Variants in UNC13B observed in about 807,000 individuals in gnomAD.
UNC13B encodes protein unc-13 homolog B.
A neutral mutation model predicts 211.0 loss-of-function variants in UNC13B; 144 were observed. The observed-to-expected ratio is 0.68, with a 90% CI of 0.60 to 0.78. The LOEUF (loss-of-function observed/expected upper bound fraction) is 0.78. Ranked by LOEUF, UNC13B falls within the 30% of genes least tolerant of loss-of-function variation. UNC13B has a pLI of 0.00. For synonymous variants in UNC13B, 709 were observed against 725.8 expected, an observed-to-expected ratio of 0.98 and a Z score of 0.37; for missense variants, 1,777 against 2,002.0, an observed-to-expected ratio of 0.89 and a Z score of 2.14.
chr9:35,242,509 G>A (rs563342694), intron 5 of UNC13B, among the ~76,000 whole-genome samples: 3 of 152,220 alleles, frequency 2.0e-5, no homozygotes, highest in Non-Finnish European at 4.4e-5. Context: ...GACTACTTTA[G>A]TTACCTTAGA....
At chr9:35,203,953 C>A (rs975896241) in intron 1 of UNC13B, among the ~76,000 whole-genome samples, 2 of 152,260 alleles carry the variant, frequency 1.3e-5, no homozygotes, top group African/African-American at 4.8e-5. Context: ...AACTTTGTGG[C>A]AGCCTCTCCC....
At position 35,382,380 on chromosome 9, in the gene UNC13B, A is replaced by C; in HGVS notation, c.10679A>C (p.Lys3560Thr). The change falls in exon 21 of 40, where the codon AAG becomes ACG. Residue 3560 changes from lysine to threonine, a missense_variant. Lys to Thr is a moderately conservative substitution (Grantham distance 78). Transcript: ENST00000635942. ...AGGCACTTTGCATGTTTATCATCCA[A>C]GTACATGTGTCCTGGTGTGCCAGCA... ...AMTHFACLSSKYMCPGVPAVM... is the reference protein window; with the variant it reads ...AMTHFACLSSTYMCPGVPAVM... The C allele has an allele frequency of 6.2e-7, 1 of 1,613,482 alleles. No homozygotes were observed. Among genetic ancestry groups the C allele is most frequent in the African/African-American group, 1.3e-5 (1 of 74,952 alleles).
At chr9:35,251,212 C>T (rs1398456877) in intron 6 of UNC13B, among the ~76,000 whole-genome samples, 1 of 152,050 alleles carries the variant, frequency 6.6e-6, no homozygotes, top group Non-Finnish European at 1.5e-5. Context: ...GATCCGCCCG[C>T]CTCGGCCTCC....
intron 5 of UNC13B, among the ~76,000 whole-genome samples, chr9:35,238,391 A>G (rs185413159): frequency 3.9e-4 from 59 of 152,296 alleles, no homozygotes; most frequent in Non-Finnish European, 7.5e-4. Context: ...TTTATTTTCC[A>G]AAAACTTATT....
At chr9:35,282,216 C>A (rs911643043) in intron 7 of UNC13B, among the ~76,000 whole-genome samples, 1 of 152,078 alleles carries the variant, frequency 6.6e-6, no homozygotes, top group Admixed American at 6.5e-5. Flanking sequence ...AAAAGATAGA[C>A]CTTTGCCAAC....
chr9:35,267,450 AATT>A (rs569738851), intron 7 of UNC13B, among the ~76,000 whole-genome samples: 157 of 152,290 alleles, frequency 1.0e-3, no homozygotes, highest in African/African-American at 2.9e-3. Flanking sequence ...TCTTTTTAAA[AATT>A]ATTATGCTTT....
At chr9:35,398,457 G>A in intron 31 of UNC13B, 97 bp from the exon 32 acceptor site, 1 of 1,393,088 alleles carries the variant, frequency 7.2e-7, no homozygotes, top group Non-Finnish European at 1.0e-6. Context: ...GGAGGAATAG[G>A]CACTGGGGTA....
At chr9:35,265,342 A>G (rs1292079986) in intron 7 of UNC13B, among the ~76,000 whole-genome samples, 1 of 152,242 alleles carries the variant, frequency 6.6e-6, no homozygotes, top group Non-Finnish European at 1.5e-5. Flanking sequence ...TCTCTCCACC[A>G]TGTGAGGACA....
intron 31 of UNC13B, 64 bp downstream of exon 31, chr9:35,398,352 A>G (rs1836027400): frequency 1.3e-6 from 2 of 1,546,768 alleles, no homozygotes; most frequent in East Asian, 2.3e-5. Flanking sequence ...TGGCCATAGA[A>G]CTCCACCCTC....
chr9:35,278,725 T>C (rs1383208832), intron 7 of UNC13B, among the ~76,000 whole-genome samples: 3 of 151,968 alleles, frequency 2.0e-5, no homozygotes, highest in Non-Finnish European at 4.4e-5. Context: ...ATTTTCCCCA[T>C]TTTATTTTAT....
chr9:35,284,243 T>A (rs10972420), intron 7 of UNC13B, among the ~76,000 whole-genome samples: 7,270 of 152,160 alleles, frequency 0.048, 410 homozygotes, highest in East Asian at 0.3. Context: ...TCCAGCCTGG[T>A]TGACAGAGCA....
chr9:35,264,461 C>G (rs1243018208), intron 7 of UNC13B, among the ~76,000 whole-genome samples: 2 of 152,152 alleles, frequency 1.3e-5, no homozygotes, highest in Admixed American at 6.5e-5. Context: ...GAAGAAATTT[C>G]TAAGCAATGT....
At chr9:35,377,380 C>T in intron 15 of UNC13B, 88 bp from the exon 16 acceptor site, 1 of 1,363,824 alleles carries the variant, frequency 7.3e-7, no homozygotes, top group Admixed American at 2.1e-5. Flanking sequence ...CATAGTTTCT[C>T]CACTGCTCTG....
chr9:35,227,131 G>A (rs1415889464), intron 1 of UNC13B, among the ~76,000 whole-genome samples: 2 of 152,212 alleles, frequency 1.3e-5, no homozygotes, highest in African/African-American at 4.8e-5. Flanking sequence ...TCCAGTGAGA[G>A]ACAGACTTTG....
chr9:35,402,602 G>T (rs190024085), intron 37 of UNC13B, among the ~76,000 whole-genome samples: 37 of 152,132 alleles, frequency 2.4e-4, no homozygotes, highest in African/African-American at 8.7e-4. Context: ...TTAAAATAGG[G>T]TGGGGTCTCT....
intron 6 of UNC13B, among the ~76,000 whole-genome samples, chr9:35,256,187 A>C (rs960906138): frequency 3.3e-5 from 5 of 152,184 alleles, no homozygotes; most frequent in Non-Finnish European, 7.4e-5. Flanking sequence ...CTAAAATTCC[A>C]TAGTTTATTC....
At chr9:35,387,421 C>T (rs1162085558) in intron 24 of UNC13B, among the ~76,000 whole-genome samples, 1 of 152,172 alleles carries the variant, frequency 6.6e-6, no homozygotes, top group African/African-American at 2.4e-5. Flanking sequence ...CTGTGCCAGC[C>T]ATGTATTTAA....
At chr9:35,166,243 G>A (rs1398413136) in intron 1 of UNC13B, among the ~76,000 whole-genome samples, 1 of 152,030 alleles carries the variant, frequency 6.6e-6, no homozygotes, top group African/African-American at 2.4e-5. Flanking sequence ...TTAGCCAGGT[G>A]TGGTGGTGCT....
rs920881688 is a variant in UNC13B, at chr9:35,198,957, C to T, written c.23-29058C>T. ...ACATGTGCCATGTTGGTGTGCTGCG[C>T]CCGTTAACTCATCATTTACATTACG... On this transcript the variant is annotated intron_variant, in intron 1 of 39. Transcript: ENST00000635942. Among the ~76,000 whole-genome samples the T allele has an allele frequency of 2.6e-5, 4 of 152,122 alleles. No individual in the cohort carries two copies. In the South Asian group the frequency reaches 8.3e-4, roughly 32 times the overall value.
Sources: gnomAD v4.1 joint callset for allele counts (sites outside exome capture counted in the v4.1 genomes callset) on GRCh38, gnomAD v4.1.1 for gene constraint, MANE v1.5 for transcripts, NCBI Gene and HGNC (gene_info 2026-07-23, HGNC 2026-07-21) for gene names.